Variants in GPR160 observed in about 807,000 individuals in gnomAD.
The protein encoded by GPR160 is probable G protein-coupled receptor 160.
GPR160 carries 2 observed loss-of-function variants against 2.6 expected under a neutral mutation model. The observed-to-expected ratio is 0.77, with a 90% confidence interval of 0.32 to 2.44. GPR160 has a LOEUF of 2.44. Ranked by LOEUF, GPR160 falls within the 30% of genes most tolerant of loss-of-function variation. The pLI is 0.11. For missense variants in GPR160, 351 were observed against 383.6 expected (o/e 0.91, Z 0.71); for synonymous variants, 130 against 132.2 (o/e 0.98, Z 0.12).
intron 3 of GPR160, among the ~76,000 whole-genome samples, chr3:170,081,018 CTTAA>C (rs1713096867): frequency 3.3e-5 from 5 of 152,166 alleles, no homozygotes; most frequent in South Asian, 4.1e-4. Context: ...GCTTTCCTTA[CTTAA>C]TTTAGAACAG....
At position 170,084,304 on chromosome 3, in the gene GPR160, C is replaced by T. The variant is rs1713295417; in HGVS notation, c.332C>T (p.Pro111Leu). 3 of 1,607,796 alleles carry T rather than the reference C, an allele frequency of 1.9e-6. No individual in the cohort carries two copies. The East Asian group carries it at 6.7e-5, about 36-fold the overall frequency. The change falls in exon 4 of 4, where the codon CCA becomes CTA. Residue 111 changes from proline (P) to leucine (L), a missense_variant. Transcript: ENST00000355897. Reference sequence around the variant, plus strand: ...TTTACTTATGGCTTTTTGCATTATCCAGTTTTCCTGACAGCTTGTATAGAT... The same window carrying T: ...TTTACTTATGGCTTTTTGCATTATCTAGTTTTCCTGACAGCTTGTATAGAT... ...ISFTYGFLHYPVFLTACIDYC... is the reference protein window; with the variant it reads ...ISFTYGFLHYLVFLTACIDYC...
At chr3:170,081,492 T>C (rs1713126402) in intron 3 of GPR160, among the ~76,000 whole-genome samples, 2 of 152,218 alleles carry the variant, frequency 1.3e-5, no homozygotes. Flanking sequence ...ATTATTTGTA[T>C]ACCTTAATAA....
At chr3:170,063,444 G>T (rs1265408793) in intron 2 of GPR160, among the ~76,000 whole-genome samples, 1 of 149,266 alleles carries the variant, frequency 6.7e-6, no homozygotes, top group Admixed American at 6.8e-5. Flanking sequence ...TGAGGCAGGA[G>T]AATCGCTTGA....
intron 2 of GPR160, among the ~76,000 whole-genome samples, chr3:170,041,297 GA>G (rs1423289736): frequency 1.4e-4 from 19 of 131,904 alleles, no homozygotes; most frequent in Non-Finnish European, 2.9e-4. Context: ...AGGATGTAAA[GA>G]TTTTTTTTTT....
intron 2 of GPR160, among the ~76,000 whole-genome samples, chr3:170,078,893 G>A (rs899810716): frequency 8.5e-5 from 13 of 152,092 alleles, no homozygotes; most frequent in Admixed American, 4.6e-4. Context: ...CTGGAAGGCC[G>A]GAAGGCTCTA....
chr3:170,045,398 ACT>A (rs1323368431), intron 2 of GPR160, among the ~76,000 whole-genome samples: 2 of 121,916 alleles, frequency 1.6e-5, no homozygotes, highest in Non-Finnish European at 3.3e-5. Context: ...CCCTGTCTCT[ACT>A]AAAAATACAA....
intron 3 of GPR160, among the ~76,000 whole-genome samples, chr3:170,080,669 C>G (rs1713078872): frequency 6.6e-6 from 1 of 152,138 alleles, no homozygotes; most frequent in Non-Finnish European, 1.5e-5. Flanking sequence ...AATGATGAAA[C>G]GGGAACTTGG....
intron 2 of GPR160, among the ~76,000 whole-genome samples, chr3:170,042,820 C>G (rs1369871531): frequency 7.1e-6 from 1 of 140,818 alleles, no homozygotes; most frequent in African/African-American, 2.7e-5. Context: ...GGGCAAGACT[C>G]TCTCTCTTAA....
rs534725792 is a variant in GPR160, at chr3:170,084,819, G to C, written c.847G>C (p.Val283Leu). Residue 283 changes from valine (V) to leucine (L), a missense_variant, in exon 4 of 4, where the codon GTC becomes CTC. Transcript: ENST00000355897. ...GATGAATATTCCCTGGTTATACTTTGTCAATAGTTTTCTCATTGCTACAGT... is the reference window on the plus strand; with the variant it reads ...GATGAATATTCCCTGGTTATACTTTCTCAATAGTTTTCTCATTGCTACAGT... ...IEMNIPWLYFVNSFLIATVYW... is the reference protein window; with the variant it reads ...IEMNIPWLYFLNSFLIATVYW... 3.4e-5 allele frequency: 54 copies of C among 1,608,858 alleles called. No homozygotes were observed. In the East Asian group the frequency reaches 1.1e-3, roughly 33 times the overall value.
At chr3:170,051,343 C>T (rs936122878) in intron 2 of GPR160, among the ~76,000 whole-genome samples, 1 of 152,116 alleles carries the variant, frequency 6.6e-6, no homozygotes, top group East Asian at 1.9e-4. Flanking sequence ...TCTTTTGCCC[C>T]ATTTTAAAAC....
Position 170,051,545 on chromosome 3 carries a change from C to T in GPR160, c.-193+12502C>T, listed in dbSNP as rs985873576. 4.6e-5 allele frequency among the ~76,000 whole-genome samples: 7 copies of T among 152,038 alleles called. No homozygotes were observed. The East Asian group carries it at 9.7e-4, about 21-fold the overall frequency. Reference sequence around the variant, plus strand: ...TTCAAGATCAGCCTGGCCAACATGGCGAAACCCCGCCTCTACTAAAAATAC... The same window carrying T: ...TTCAAGATCAGCCTGGCCAACATGGTGAAACCCCGCCTCTACTAAAAATAC... On this transcript the variant is annotated intron_variant, in intron 2 of 3. Coordinates refer to ENST00000355897, the MANE Select transcript of GPR160 (RefSeq NM_014373.3).
rs1160526854 is a variant in GPR160, at chr3:170,079,868, G to A, written c.-98G>A. ...CAGTAAAAGTGAAATTAAATAGGAA[G>A]ATCATCAGTCAAGGAAGACCCACTG... On this transcript the variant is annotated 5_prime_UTR_variant, in exon 3 of 4. Transcript: ENST00000355897. The A allele has an allele frequency of 6.6e-6, 1 of 152,190 alleles. No homozygotes were observed. The highest frequency in any genetic ancestry group is 6.5e-5 in the Admixed American group (1 of 15,272). 9.4% of individuals were successfully genotyped at this position (152,190 alleles called of 1,614,324 possible).
chr3:170,047,397 C>G (rs567354727), intron 2 of GPR160, among the ~76,000 whole-genome samples: 2 of 152,260 alleles, frequency 1.3e-5, no homozygotes, highest in African/African-American at 4.8e-5. Context: ...AGGGAAAAGT[C>G]TTTTATGACC....
intron 2 of GPR160, chr3:170,077,720 A>C (rs1292803631): frequency 6.6e-6 from 1 of 152,272 alleles, no homozygotes; most frequent in East Asian, 1.9e-4. Context: ...ACTGAATAAA[A>C]GCAAGCAGCT....
intron 2 of GPR160, among the ~76,000 whole-genome samples, chr3:170,070,180 C>T (rs916852342): frequency 1.3e-5 from 2 of 152,174 alleles, no homozygotes; most frequent in African/African-American, 4.8e-5. Context: ...ATAAATTCTA[C>T]ACATTGCACT....
Position 170,084,771 on chromosome 3 carries a change from G to C in GPR160, c.799G>C (p.Val267Leu). 1 of 1,607,518 alleles carries C rather than the reference G, an allele frequency of 6.2e-7. No homozygotes were observed. The highest frequency in any genetic ancestry group is 1.1e-5 in the South Asian group (1 of 90,820). The part of the protein sequence containing the change: ...LLQVIIVLLK[V>L]QIPAYIEMNI... ...TCAGGTAATCATTGTTTTACTTAAAGTTCAGATTCCAGCATATATTGAGAT... is the reference window on the plus strand; with the variant it reads ...TCAGGTAATCATTGTTTTACTTAAACTTCAGATTCCAGCATATATTGAGAT... Residue 267 changes from valine (V) to leucine (L), a missense_variant, in exon 4 of 4, where the codon GTT (valine) becomes CTT (leucine). By Grantham distance (32) the Val-to-Leu change is conservative. Transcript: ENST00000355897.
intron 2 of GPR160, among the ~76,000 whole-genome samples, chr3:170,069,655 T>A (rs188168317): frequency 3.3e-5 from 5 of 152,282 alleles, no homozygotes; most frequent in Admixed American, 2.6e-4. Flanking sequence ...TAACCAGTGG[T>A]CGATCCTGCC....
rs534168748 is a variant in GPR160, at chr3:170,065,375, T to C, written c.-192-14399T>C. ...CACCTTCCTGGAGGAATTTCTCCCA[T>C]AGCCATGTGCCCTACTCTAATTTAG... On this transcript the variant is annotated intron_variant, in intron 2 of 3. Coordinates refer to ENST00000355897, the MANE Select transcript of GPR160 (RefSeq NM_014373.3). Among the ~76,000 whole-genome samples the C allele has an allele frequency of 1.8e-4, 27 of 152,340 alleles. 2 individuals are homozygous for C. The South Asian group carries it at 3.5e-3, about 20-fold the overall frequency.
At chr3:170,051,605 A>T (rs1716962104) in intron 2 of GPR160, among the ~76,000 whole-genome samples, 1 of 152,166 alleles carries the variant, frequency 6.6e-6, no homozygotes, top group Admixed American at 6.5e-5. Flanking sequence ...TGCGCCTGTA[A>T]TCCCAGCTAC....
Sources: allele counts gnomAD v4.1 joint callset (sites outside exome capture counted in the v4.1 genomes callset), GRCh38; gene constraint gnomAD v4.1.1; transcripts MANE v1.5; gene names NCBI Gene and HGNC (gene_info 2026-07-23, HGNC 2026-07-21).